The following NTRK3 variants were observed in gnomAD, a reference collection of about 807,000 sequenced individuals.
NTRK3 encodes NT-3 growth factor receptor.
In NTRK3, 24 loss-of-function variants were observed where a neutral mutation model predicts 91.7. The ratio of observed to expected loss-of-function variants is 0.26; its 90% CI spans 0.19 to 0.37. The LOEUF (loss-of-function observed/expected upper bound fraction) is 0.37. NTRK3 is among the 10% of genes least tolerant of loss of function. The pLI, the probability that NTRK3 is intolerant of heterozygous loss-of-function variation, is 1.00. For synonymous variants in NTRK3, 483 were observed against 404.0 expected (o/e 1.20, Z -2.34); for missense variants, 880 against 1,068.9 (o/e 0.82, Z 2.46).
exon 19 of NTRK3, chr15:87,860,394 G>T (rs2064492369): frequency 4.5e-6 from 1 of 221,366 alleles, no homozygotes; most frequent in Non-Finnish European, 9.0e-6. Context: ...AAGAATAGAG[G>T]GTGGGCACTT....
At chr15:87,927,039 A>G (rs1183082528) in intron 17 of NTRK3, 1 of 152,234 alleles carries the variant, frequency 6.6e-6, no homozygotes, top group Non-Finnish European at 1.5e-5. Context: ...TGAATAAAAA[A>G]TATGGTCTAG....
intron 13 of NTRK3, among the ~76,000 whole-genome samples, chr15:88,039,118 AACACACACAC>A (rs66499066): frequency 0.08 from 11,212 of 139,334 alleles, 437 homozygotes; most frequent in Middle Eastern, 0.13. Flanking sequence ...TTGAGCCCTC[AACACACACAC>A]ACACACACAC....
exon 19 of NTRK3, chr15:87,872,274 T>C (rs758544424): frequency 2.7e-5 from 6 of 220,028 alleles, no homozygotes; most frequent in African/African-American, 9.0e-5. Flanking sequence ...GACTGTCCAT[T>C]GCAATCACTG....
At chr15:88,135,379 C>T (rs766271262) in exon 10 of NTRK3, 1 of 1,613,990 alleles carries the variant, frequency 6.2e-7, no homozygotes, top group South Asian at 1.1e-5. Flanking sequence ...CTCCTCCAGG[C>T]TCACCACACG....
chr15:88,198,068 A>C (rs1040011002), intron 3 of NTRK3, among the ~76,000 whole-genome samples: 3 of 152,186 alleles, frequency 2.0e-5, no homozygotes, highest in Non-Finnish European at 4.4e-5. Context: ...ACATTCCCTG[A>C]AATATGCTAG....
rs1350561784 is a variant in NTRK3 at position 88,237,540 on chromosome 15, G to C, written c.248+18366C>G. On this transcript the variant is annotated intron_variant, in intron 3 of 18. Transcript: ENST00000394480. The surrounding 1 kb of genome is among the most constrained non-coding windows in gnomAD (Gnocchi z 4.0). Reference sequence around the variant, plus strand: ...AATTCATAAGAGAGCTAGAAATCATGCACTTTATATATGAGTTGTTTTGCT... The same window carrying C: ...AATTCATAAGAGAGCTAGAAATCATCCACTTTATATATGAGTTGTTTTGCT... 6.6e-6 allele frequency among the ~76,000 whole-genome samples: 1 copy of C among 152,186 alleles called. No individual in the cohort carries two copies. The highest frequency in any genetic ancestry group is 1.5e-5 in the Non-Finnish European group (1 of 68,042).
chr15:88,214,184 G>A (rs1199344032), intron 3 of NTRK3, among the ~76,000 whole-genome samples: 2 of 152,186 alleles, frequency 1.3e-5, no homozygotes, highest in African/African-American at 2.4e-5. Flanking sequence ...CACAAACTGT[G>A]TGGCTTAAAA....
intron 3 of NTRK3, among the ~76,000 whole-genome samples, chr15:88,251,857 G>A (rs922728079): frequency 2.0e-5 from 3 of 152,196 alleles, no homozygotes; most frequent in South Asian, 2.1e-4. Flanking sequence ...GCCAGTAGAT[G>A]AGGACTTTCA....
intron 5 of NTRK3, among the ~76,000 whole-genome samples, chr15:88,149,300 G>A (rs569808794): frequency 4.1e-4 from 62 of 152,342 alleles, no homozygotes; most frequent in African/African-American, 1.3e-3. Flanking sequence ...AGAGGAGGCA[G>A]CCTCATGCTG....
chr15:88,035,739 C>T (rs1195081142), intron 13 of NTRK3, among the ~76,000 whole-genome samples: 1 of 152,110 alleles, frequency 6.6e-6, no homozygotes. Flanking sequence ...CTGCAGGAAA[C>T]AGAGGCAATG....
At chr15:88,104,977 G>C (rs901560086) in intron 13 of NTRK3, among the ~76,000 whole-genome samples, 32 of 152,142 alleles carry the variant, frequency 2.1e-4, no homozygotes, top group African/African-American at 7.7e-4. Context: ...GCTCATCCTG[G>C]GGGCAAGCCC....
exon 19 of NTRK3, chr15:87,869,269 A>C (rs1200304102): frequency 8.7e-6 from 2 of 230,496 alleles, no homozygotes; most frequent in Non-Finnish European, 1.7e-5. Context: ...GAGAAAGCAG[A>C]GTCAGTGGGG....
chr15:88,086,545 A>G (rs905674999), intron 13 of NTRK3, among the ~76,000 whole-genome samples: 3 of 150,900 alleles, frequency 2.0e-5, no homozygotes, highest in African/African-American at 7.5e-5. Context: ...GAAAACATCA[A>G]AGTATGTATG....
chr15:87,956,266 T>C (rs2141158491), intron 14 of NTRK3, among the ~76,000 whole-genome samples: 1 of 152,268 alleles, frequency 6.6e-6, no homozygotes. Context: ...CAAAGTGGGC[T>C]GTTCTGGTTT....
intron 3 of NTRK3, chr15:88,252,646 A>G (rs2053531303): frequency 6.6e-6 from 1 of 152,346 alleles, no homozygotes; most frequent in South Asian, 2.1e-4. Flanking sequence ...CACCATGGCC[A>G]CCACCCTCCT....
exon 9 of NTRK3, chr15:88,135,985 G>C (rs187007070): frequency 1.2e-6 from 2 of 1,614,186 alleles, no homozygotes; most frequent in Non-Finnish European, 1.7e-6. Context: ...GTCCTCACTC[G>C]TCACATTCAC....
chr15:88,213,131 A>G (rs1207239621), intron 3 of NTRK3, among the ~76,000 whole-genome samples: 10 of 152,192 alleles, frequency 6.6e-5, no homozygotes, highest in Non-Finnish European at 1.5e-4. Flanking sequence ...TCTTGCATGG[A>G]ACATTTATTG....
At chr15:87,870,346 C>T (rs1277433799) in exon 19 of NTRK3, 5 of 197,246 alleles carry the variant, frequency 2.5e-5, no homozygotes, top group Admixed American at 2.4e-4. Flanking sequence ...GAAAACCAAA[C>T]ATCGTACGTT....
At chr15:87,961,123 A>G (rs1302516830) in intron 14 of NTRK3, among the ~76,000 whole-genome samples, 2 of 152,174 alleles carry the variant, frequency 1.3e-5, no homozygotes, top group Non-Finnish European at 2.9e-5. Context: ...GAGATGGGGT[A>G]CTCACTTATC....
Sources: allele counts gnomAD v4.1 joint callset (sites outside exome capture counted in the v4.1 genomes callset), GRCh38; gene constraint gnomAD v4.1.1; non-coding constraint Gnocchi (gnomAD v3.1); transcripts MANE v1.5; gene names NCBI Gene and HGNC (gene_info 2026-07-23, HGNC 2026-07-21).